The following SLC28A1 variants were observed in gnomAD, a reference collection of about 807,000 sequenced individuals.
The protein encoded by SLC28A1 is sodium/nucleoside cotransporter 1.
Under a neutral mutation model 74.8 loss-of-function variants are expected in SLC28A1, and 64 were observed. The observed-to-expected ratio is 0.86, with a 90% CI of 0.70 to 1.05. The LOEUF is 1.05. Ranked by LOEUF, SLC28A1 falls within the 50% of genes least tolerant of loss-of-function variation. The pLI, the probability that SLC28A1 is intolerant of heterozygous loss-of-function variation, is 0.00. For missense variants in SLC28A1, 828 were observed against 822.8 expected, an observed-to-expected ratio of 1.01 and a Z score of -0.08; for synonymous variants, 359 against 335.0, an observed-to-expected ratio of 1.07 and a Z score of -0.78.
intron 12 of SLC28A1, among the ~76,000 whole-genome samples, chr15:84,931,472 C>A (rs1246660878): frequency 2.2e-5 from 3 of 138,760 alleles, no homozygotes; most frequent in African/African-American, 8.1e-5. Context: ...CAGTGAAACC[C>A]CGTCTTTACT....
rs1239547036 is a variant in SLC28A1 at position 84,888,857 on chromosome 15, G to C, written c.182G>C (p.Arg61Thr). ...WSEAAPKPFSRWRNLQPALRA... is the reference protein window; with the variant it reads ...WSEAAPKPFSTWRNLQPALRA... ...GAGGCGGCGCCGAAGCCCTTCTCCA[G>C]ATGGTAGGTGATCTCTGGAGAGACA... is the stretch of plus-strand genomic sequence containing the variant. Residue 61 changes from arginine to threonine, a missense_variant, in exon 4 of 19, where the codon AGA (arginine) becomes ACA (threonine). By Grantham distance (71) the Arg-to-Thr change is moderately conservative (BLOSUM62 -1). Transcript: ENST00000394573. The C allele has an allele frequency of 3.2e-6, 5 of 1,549,930 alleles. No individual in the cohort carries two copies. The highest frequency in any genetic ancestry group is 3.5e-6 in the Non-Finnish European group (4 of 1,145,306).
intron 9 of SLC28A1, among the ~76,000 whole-genome samples, chr15:84,909,454 C>T (rs768753231): frequency 4.6e-5 from 7 of 152,146 alleles, no homozygotes; most frequent in Non-Finnish European, 1.0e-4. Flanking sequence ...TTTCAAAGAC[C>T]TTATTGTCTA....
chr15:84,904,593 G>A (rs985106770), intron 7 of SLC28A1, among the ~76,000 whole-genome samples: 2 of 152,140 alleles, frequency 1.3e-5, no homozygotes, highest in Admixed American at 6.5e-5. Context: ...AGAGCCAAGG[G>A]TTTCCTGGAA....
rs189324586 is a variant in SLC28A1, at chr15:84,938,193, T to G, written c.1581+2675T>G. On this transcript the variant is annotated intron_variant, in intron 15 of 18. Transcript: ENST00000394573. The stretch of plus-strand genomic sequence containing the variant: ...CCAGCCTGGGCAACAAGAGTGAAAC[T>G]CCATCTCAAAAAAAAAAAAAAAAGG... Among the ~76,000 whole-genome samples the G allele has an allele frequency of 4.1e-4, 32 of 78,492 alleles. No individual in the cohort carries two copies. The Admixed American group carries it at 5.0e-3, about 12-fold the overall frequency. The allele number at this position is 78,492 out of a possible 152,430, so 51.5% of individuals were successfully genotyped here.
At chr15:84,969,313 G>A in the SLC28A1 span, among the ~76,000 whole-genome samples, 23 of 152,178 alleles carry the variant, frequency 1.5e-4, no homozygotes, top group African/African-American at 5.3e-4. Context: ...CCAAAGATAG[G>A]CCAGAAAATC....
At chr15:84,963,016 T>A in the SLC28A1 span, among the ~76,000 whole-genome samples, 2 of 152,176 alleles carry the variant, frequency 1.3e-5, no homozygotes, top group East Asian at 3.8e-4. Flanking sequence ...TTTGCTAGTG[T>A]GACCAGTGGA....
chr15:84,906,516 G>GTTTC (rs1344789607), intron 8 of SLC28A1, among the ~76,000 whole-genome samples: 2 of 70,994 alleles, frequency 2.8e-5, no homozygotes, highest in African/African-American at 8.1e-5. Context: ...TTGTTTGTTT[G>GTTTC]TTTGTTTGTT....
chr15:84,908,245 G>A (rs193269086), intron 8 of SLC28A1, among the ~76,000 whole-genome samples: 38 of 138,280 alleles, frequency 2.7e-4, no homozygotes, highest in African/African-American at 9.2e-4. Context: ...GTGCAGTGGC[G>A]CAATCTTGGC....
At chr15:84,906,552 CTTTCTTTCTTTCTCTT>C (rs1567140234) in intron 8 of SLC28A1, among the ~76,000 whole-genome samples, 17 of 85,406 alleles carry the variant, frequency 2.0e-4, no homozygotes, top group African/African-American at 5.9e-4. Flanking sequence ...TTCTTTCTTT[CTTTCTTTCTTTCTCTT>C]TCTTTCTTCC....
chr15:84,927,887 C>CT, intron 12 of SLC28A1, among the ~76,000 whole-genome samples: 1 of 121,922 alleles, frequency 8.2e-6, no homozygotes, highest in African/African-American at 3.2e-5. Flanking sequence ...GTTCCTGAAA[C>CT]TTTTTTTCAT....
At chr15:84,900,104 C>T (rs1343273079) in intron 6 of SLC28A1, among the ~76,000 whole-genome samples, 1 of 151,910 alleles carries the variant, frequency 6.6e-6, no homozygotes, top group South Asian at 2.1e-4. Flanking sequence ...ATCACTTAAG[C>T]CCAGGAGTTC....
chr15:84,914,404 G>A (rs961992441), intron 9 of SLC28A1, among the ~76,000 whole-genome samples: 1 of 152,186 alleles, frequency 6.6e-6, no homozygotes, highest in Non-Finnish European at 1.5e-5. Context: ...GATGCATGCT[G>A]CCCCTGAAGG....
chr15:84,890,792 G>C (rs549557591), intron 5 of SLC28A1, among the ~76,000 whole-genome samples: 1 of 152,188 alleles, frequency 6.6e-6, no homozygotes, highest in South Asian at 2.1e-4. Context: ...ACACCAAGGA[G>C]GAATGGGGGA....
rs1567172610 is a variant in SLC28A1 at position 84,928,598 on chromosome 15, C to A, written c.1083+4488C>A. 1.4e-4 allele frequency among the ~76,000 whole-genome samples: 2 copies of A among 13,896 alleles called. 1 individual carries two copies. Among genetic ancestry groups the A allele is most frequent in the Non-Finnish European group, 2.5e-4 (2 of 8,162 alleles). 9.1% of individuals were successfully genotyped at this position (13,896 alleles called of 152,430 possible). A position where few individuals can be genotyped will look rare whatever the true frequency, so the allele number is the denominator to read the frequency against. On this transcript the variant is annotated intron_variant, in intron 12 of 18. Coordinates refer to ENST00000394573, the MANE Select transcript of SLC28A1 (RefSeq NM_004213.5). ...TCTTTCTTTCTTTCTTTCTTTCTTT[C>A]TTTCTTTTCTTTCTTTCTTTTCTTT...
At chr15:84,920,935 T>TG (rs1191089605) in intron 10 of SLC28A1, 54 bp from the exon 11 acceptor site, 33 of 1,418,124 alleles carry the variant, frequency 2.3e-5, no homozygotes, top group Non-Finnish European at 3.0e-5. Context: ...CAGCCCCCTC[T>TG]GACTCTGGGG....
chr15:84,886,342 G>C (rs2141606479), intron 1 of SLC28A1: 1 of 985,320 alleles, frequency 1.0e-6, no homozygotes, highest in Admixed American at 6.1e-5. Context: ...AATGCAAAAA[G>C]CTAACAGCCT....
chr15:84,965,909 G>GC, the SLC28A1 span, among the ~76,000 whole-genome samples: 1 of 141,728 alleles, frequency 7.1e-6, no homozygotes, highest in African/African-American at 3.1e-5. Context: ...GGGGAGGGGG[G>GC]GGAAATATTA....
intron 6 of SLC28A1, among the ~76,000 whole-genome samples, chr15:84,899,558 T>A (rs1339511712): frequency 1.3e-5 from 2 of 152,168 alleles, no homozygotes; most frequent in African/African-American, 2.4e-5. Context: ...TACTAGCAGA[T>A]TTCTTGTCAA....
chr15:84,908,887 G>A, intron 9 of SLC28A1, 92 bp downstream of exon 9: 2 of 1,014,848 alleles, frequency 2.0e-6, no homozygotes, highest in South Asian at 1.3e-5. Flanking sequence ...GGGCCCAGGT[G>A]GAGGGGAGGA....
Sources: gnomAD v4.1 joint callset for allele counts (sites outside exome capture counted in the v4.1 genomes callset) on GRCh38, gnomAD v4.1.1 for gene constraint, MANE v1.5 for transcripts, NCBI Gene and HGNC (gene_info 2026-07-23, HGNC 2026-07-21) for gene names.